Variants in CCDC141 observed in about 807,000 individuals in gnomAD.
CCDC141 encodes coiled-coil domain-containing protein 141.
Under a neutral mutation model 181.0 loss-of-function variants are expected in CCDC141, and 168 were observed. The observed-to-expected ratio is 0.93, with a 90% CI of 0.82 to 1.05. The LOEUF (loss-of-function observed/expected upper bound fraction) is 1.05. CCDC141 is among the 50% of genes least tolerant of loss of function. The pLI, the probability that CCDC141 is intolerant of heterozygous loss-of-function variation, is 0.00. For synonymous variants in CCDC141, 666 were observed against 642.3 expected (o/e 1.04, Z -0.56); for missense variants, 1,902 against 1,788.5 (o/e 1.06, Z -1.14).
intron 6 of CCDC141, among the ~76,000 whole-genome samples, chr2:178,941,650 TC>T (rs1268555721): frequency 6.6e-6 from 1 of 151,234 alleles, no homozygotes; most frequent in Non-Finnish European, 1.5e-5. Flanking sequence ...TAAACGAACC[TC>T]CCCCTTTAGA....
chr2:178,881,110 C>T (rs1348725531), intron 11 of CCDC141, among the ~76,000 whole-genome samples: 7 of 152,050 alleles, frequency 4.6e-5, no homozygotes, highest in South Asian at 2.1e-4. Context: ...TGACCCACCA[C>T]GCTTTAAGAA....
At chr2:178,855,137 T>C (rs570717928) in intron 19 of CCDC141, among the ~76,000 whole-genome samples, 2 of 152,268 alleles carry the variant, frequency 1.3e-5, no homozygotes, top group East Asian at 1.9e-4. Flanking sequence ...CAAGAGAAAT[T>C]GACCAATAAA....
chr2:179,015,374 T>TACATCTCTC (rs1280024321), intron 2 of CCDC141, among the ~76,000 whole-genome samples: 1 of 124,804 alleles, frequency 8.0e-6, no homozygotes, highest in Non-Finnish European at 1.6e-5. Context: ...ATATGTATCA[T>TACATCTCTC]ATATATCTCA....
At chr2:178,973,375 A>T (rs924800) in intron 4 of CCDC141, among the ~76,000 whole-genome samples, 71,421 of 151,974 alleles carry the variant, frequency 0.47, 17,490 homozygotes, top group East Asian at 0.71. Context: ...ATATTTTTTC[A>T]TCATAAAAAT....
intron 20 of CCDC141, among the ~76,000 whole-genome samples, chr2:178,852,952 A>G (rs1685222449): frequency 6.6e-6 from 1 of 152,216 alleles, no homozygotes; most frequent in Non-Finnish European, 1.5e-5. Context: ...AAGTGAGAGG[A>G]AAGTGAAGGA....
At chr2:178,853,868 A>G (rs970263945) in intron 19 of CCDC141, among the ~76,000 whole-genome samples, 45 of 152,380 alleles carry the variant, frequency 3.0e-4, no homozygotes, top group African/African-American at 1.0e-3. Flanking sequence ...AAGTAAAAAT[A>G]TGAAAATATA....
In CCDC141 at chr2:178,830,747, G is replaced by C. The variant is rs1461649517; in HGVS notation, c.*3426C>G. 6.6e-6 allele frequency: 1 copy of C among 152,302 alleles called. No individual in the cohort carries two copies. The highest frequency in any genetic ancestry group is 1.5e-5 in the Non-Finnish European group (1 of 68,120). 9.4% of individuals were successfully genotyped at this position (152,302 alleles called of 1,614,324 possible). ...GCACATGGCAGGACCATCTACTCTG[G>C]ACTTGATGGGTCAGGAGGCTTCCCA... On this transcript the variant is annotated 3_prime_UTR_variant, in exon 24 of 24. Transcript: ENST00000443758.
At chr2:178,882,421 T>C (rs1686667393) in intron 11 of CCDC141, among the ~76,000 whole-genome samples, 1 of 152,084 alleles carries the variant, frequency 6.6e-6, no homozygotes. Flanking sequence ...TAGAAGATGA[T>C]TGCTGGAGCT....
chr2:178,882,304 G>A (rs1044298352), intron 11 of CCDC141, among the ~76,000 whole-genome samples: 2 of 152,160 alleles, frequency 1.3e-5, no homozygotes, highest in African/African-American at 4.8e-5. Context: ...GGAAGGTAGA[G>A]GTTGCAGTGA....
intron 8 of CCDC141, among the ~76,000 whole-genome samples, chr2:178,897,254 A>G (rs1469058162): frequency 1.3e-5 from 2 of 152,214 alleles, no homozygotes; most frequent in African/African-American, 4.8e-5. Flanking sequence ...AAACATGGAC[A>G]CTTCACCTGT....
the CCDC141 span, among the ~76,000 whole-genome samples, chr2:178,821,399 G>A: frequency 6.7e-3 from 1,025 of 152,078 alleles, 13 homozygotes; most frequent in African/African-American, 0.023. Flanking sequence ...AACCTTGACT[G>A]TTCTCTTGAT....
At chr2:178,989,143 CAGAT>C in intron 2 of CCDC141, among the ~76,000 whole-genome samples, 1 of 152,136 alleles carries the variant, frequency 6.6e-6, no homozygotes, top group East Asian at 1.9e-4. Context: ...CAACAACAAA[CAGAT>C]AAATTGGACT....
In CCDC141 at chr2:178,944,887, A is replaced by G. The variant is rs531410909; in HGVS notation, c.781-236T>C. On this transcript the variant is annotated intron_variant, in intron 5 of 23. Transcript: ENST00000443758. ...TATGAAAATGACTAATCAGTTCAGT[A>G]GATTACATGGCATGAATAAAATGAA... is the stretch of plus-strand genomic sequence containing the variant. Among the ~76,000 whole-genome samples the G allele has an allele frequency of 3.9e-5, 6 of 152,316 alleles. No homozygotes were observed. The South Asian group carries it at 1.2e-3, about 32-fold the overall frequency.
At chr2:178,818,400 T>C in the CCDC141 span, among the ~76,000 whole-genome samples, 64 of 152,280 alleles carry the variant, frequency 4.2e-4, no homozygotes, top group South Asian at 0.013. Flanking sequence ...ATTCCCCACA[T>C]GCATTAGCTA....
chr2:178,937,848 A>G (rs1473005052), intron 6 of CCDC141, among the ~76,000 whole-genome samples: 1 of 151,768 alleles, frequency 6.6e-6, no homozygotes, highest in Non-Finnish European at 1.5e-5. Flanking sequence ...AGGTCTGTAT[A>G]GAGGTGTTCG....
intron 6 of CCDC141, among the ~76,000 whole-genome samples, chr2:178,927,841 C>T (rs1688965799): frequency 6.6e-6 from 1 of 152,004 alleles, no homozygotes; most frequent in Non-Finnish European, 1.5e-5. Flanking sequence ...AGAGAAGCAA[C>T]GAAGAGACAA....
intron 6 of CCDC141, among the ~76,000 whole-genome samples, chr2:178,937,620 A>G (rs539743414): frequency 1.3e-5 from 2 of 152,042 alleles, no homozygotes; most frequent in South Asian, 2.1e-4. Flanking sequence ...TTCCTCCTCA[A>G]TTTTTGGGAA....
At chr2:178,923,918 C>T (rs528702176) in intron 6 of CCDC141, among the ~76,000 whole-genome samples, 1 of 152,180 alleles carries the variant, frequency 6.6e-6, no homozygotes, top group South Asian at 2.1e-4. Flanking sequence ...TTCCTTCCCC[C>T]CACTGCTAGT....
At position 178,955,027 on chromosome 2, in the gene CCDC141, G is replaced by A. The variant is rs981664895; in HGVS notation, c.780+6203C>T. ...AGGCCAGGCACGGTGGCTCATGCCT[G>A]TAATCCCAGCACTTTGGGAGGCCAA... is the stretch of plus-strand genomic sequence containing the variant. On this transcript the variant is annotated intron_variant, in intron 5 of 23. Transcript: ENST00000443758. Among the ~76,000 whole-genome samples, 20 of 152,140 alleles carry A rather than the reference G, an allele frequency of 1.3e-4. 1 individual carries two copies. Among genetic ancestry groups the A allele is most frequent in the Non-Finnish European group, 2.5e-4 (17 of 68,016 alleles).
Sources: allele counts gnomAD v4.1 joint callset (sites outside exome capture counted in the v4.1 genomes callset), GRCh38; gene constraint gnomAD v4.1.1; transcripts MANE v1.5; gene names NCBI Gene and HGNC (gene_info 2026-07-23, HGNC 2026-07-21).